The following FBXL2 variants were observed in gnomAD, a reference collection of about 807,000 sequenced individuals.
The protein encoded by FBXL2 is F-box and leucine rich repeat protein 2, also known as F-box/LRR-repeat protein 2.
Under a neutral mutation model 69.2 loss-of-function variants are expected in FBXL2, and 38 were observed. The observed-to-expected ratio is 0.55, with a 90% CI of 0.42 to 0.72. FBXL2 has a LOEUF of 0.72. Among genes scored for constraint, FBXL2 ranks in the 30% least tolerant of loss-of-function variants. FBXL2 has a pLI of 0.00. For missense variants in FBXL2, 354 were observed against 520.3 expected (o/e 0.68, Z 3.11); for synonymous variants, 192 against 201.3 (o/e 0.95, Z 0.39).
chr3:33,287,857 AT>A (rs748540702), intron 1 of FBXL2, among the ~76,000 whole-genome samples: 60 of 152,320 alleles, frequency 3.9e-4, no homozygotes, highest in Non-Finnish European at 7.8e-4. Flanking sequence ...AAGAGTCTTA[AT>A]GTCTTAGCTG....
the FBXL2 span, among the ~76,000 whole-genome samples, chr3:33,413,873 G>A: frequency 1.3e-5 from 2 of 152,166 alleles, no homozygotes; most frequent in South Asian, 4.1e-4. Flanking sequence ...ATGGTGCATA[G>A]GCTAGTGGTG....
chr3:33,314,291 A>ATAACATC (rs1197057383), intron 2 of FBXL2, among the ~76,000 whole-genome samples: 13 of 152,258 alleles, frequency 8.5e-5, no homozygotes, highest in Admixed American at 1.3e-4. Context: ...TTATAACTGA[A>ATAACATC]AGTTTGTACC....
At chr3:33,340,212 A>G (rs2039909241) in intron 2 of FBXL2, among the ~76,000 whole-genome samples, 1 of 152,192 alleles carries the variant, frequency 6.6e-6, no homozygotes, top group Non-Finnish European at 1.5e-5. Flanking sequence ...TAGTGGTATT[A>G]TAAGTTTGTA....
chr3:33,416,800 C>T, the FBXL2 span: 2 of 1,613,630 alleles, frequency 1.2e-6, no homozygotes. Context: ...CACCCATTTT[C>T]CGATTATCCA....
chr3:33,317,452 C>T (rs1161851442), intron 2 of FBXL2: 1 of 456,632 alleles, frequency 2.2e-6, no homozygotes, highest in Admixed American at 2.3e-5. Flanking sequence ...TCTCCCTCAA[C>T]TACTGTCTCT....
chr3:33,335,980 C>T (rs1354276009), intron 2 of FBXL2, among the ~76,000 whole-genome samples: 3 of 152,104 alleles, frequency 2.0e-5, no homozygotes, highest in Non-Finnish European at 2.9e-5. Flanking sequence ...ATTTCAATAA[C>T]CTAAATAAAT....
downstream of FBXL2, chr3:33,390,477 C>A: frequency 8.7e-7 from 1 of 1,143,596 alleles, no homozygotes; most frequent in South Asian, 1.3e-5. Flanking sequence ...TCAGAGGTTA[C>A]CTTTAAATGA....
chr3:33,318,602 A>G (rs1456909698), intron 2 of FBXL2, among the ~76,000 whole-genome samples: 1 of 152,176 alleles, frequency 6.6e-6, no homozygotes, highest in Non-Finnish European at 1.5e-5. Context: ...CACTAGATGG[A>G]CACACTAGAC....
chr3:33,309,474 A>G (rs921258198), intron 2 of FBXL2, among the ~76,000 whole-genome samples: 1 of 151,782 alleles, frequency 6.6e-6, no homozygotes, highest in Non-Finnish European at 1.5e-5. Flanking sequence ...ATCTTTTTCC[A>G]TCTCTTTCAG....
At chr3:33,316,061 CTT>C (rs112932404) in intron 2 of FBXL2, among the ~76,000 whole-genome samples, 40 of 141,350 alleles carry the variant, frequency 2.8e-4, no homozygotes, top group Non-Finnish European at 2.2e-4. Flanking sequence ...GTTTTGCTTA[CTT>C]TTTTTTTTTT....
chr3:33,330,448 A>G (rs1391127560), intron 2 of FBXL2, among the ~76,000 whole-genome samples: 9 of 152,200 alleles, frequency 5.9e-5, no homozygotes, highest in Admixed American at 1.3e-4. Flanking sequence ...TGGAGTGACT[A>G]TAGTTAACAA....
chr3:33,323,996 A>T (rs1202350028), intron 2 of FBXL2, among the ~76,000 whole-genome samples: 1 of 152,218 alleles, frequency 6.6e-6, no homozygotes, highest in East Asian at 1.9e-4. Flanking sequence ...AATGATCGCC[A>T]TTCTAACTGG....
chr3:33,313,612 A>ATTTTT (rs111524427), intron 2 of FBXL2, among the ~76,000 whole-genome samples: 1 of 119,526 alleles, frequency 8.4e-6, no homozygotes, highest in Non-Finnish European at 1.7e-5. Context: ...TGCTCAGATA[A>ATTTTT]TTGTTTTATT....
chr3:33,349,785 T>C (rs2040703587), intron 2 of FBXL2, among the ~76,000 whole-genome samples: 2 of 152,256 alleles, frequency 1.3e-5, no homozygotes, highest in Admixed American at 6.5e-5. Context: ...TGTTCACAAA[T>C]TTGATAACTT....
chr3:33,285,032 C>T (rs945248431), intron 1 of FBXL2, among the ~76,000 whole-genome samples: 16 of 152,194 alleles, frequency 1.1e-4, no homozygotes, highest in African/African-American at 3.9e-4. Context: ...ATCATTTAGC[C>T]CATTTACATT....
At chr3:33,293,717 A>G (rs1335424479) in intron 1 of FBXL2, among the ~76,000 whole-genome samples, 1 of 152,154 alleles carries the variant, frequency 6.6e-6, no homozygotes, top group Non-Finnish European at 1.5e-5. Context: ...AAATAAGCCA[A>G]TTGTTCTGAC....
intron 2 of FBXL2, among the ~76,000 whole-genome samples, chr3:33,301,594 C>T (rs1575123880): frequency 6.6e-6 from 1 of 152,072 alleles, no homozygotes; most frequent in Admixed American, 6.6e-5. Context: ...TCTCTACTAC[C>T]CATTTTTAGT....
At chr3:33,302,041 G>T (rs560038416) in intron 2 of FBXL2, among the ~76,000 whole-genome samples, 7 of 152,086 alleles carry the variant, frequency 4.6e-5, no homozygotes, top group East Asian at 1.9e-4. Context: ...ATAAATGTTC[G>T]CTCTTATTGT....
chr3:33,372,869 A>C, intron 5 of FBXL2: 1 of 602,228 alleles, frequency 1.7e-6, no homozygotes, highest in Non-Finnish European at 3.0e-6. Context: ...TGGTCCCTAG[A>C]CTAGCAGCAC....
Sources: gnomAD v4.1 joint callset for allele counts (sites outside exome capture counted in the v4.1 genomes callset) on GRCh38, gnomAD v4.1.1 for gene constraint, MANE v1.5 for transcripts, NCBI Gene and HGNC (gene_info 2026-07-23, HGNC 2026-07-21) for gene names.